Variants in COL27A1 observed in about 807,000 individuals in gnomAD.
COL27A1 encodes the protein collagen type XXVII alpha 1 chain.
In COL27A1, 106 loss-of-function variants were observed where a neutral mutation model predicts 251.3. The ratio of observed to expected loss-of-function variants is 0.42; its 90% CI spans 0.36 to 0.50. The LOEUF (loss-of-function observed/expected upper bound fraction) is 0.50, where lower values mean the gene tolerates loss of function less well. Among genes scored for constraint, COL27A1 ranks in the 20% least tolerant of loss-of-function variants. The pLI, the probability that COL27A1 is intolerant of heterozygous loss-of-function variation, is 0.00. For missense variants in COL27A1, 2,325 were observed against 2,522.8 expected (o/e 0.92, Z 1.68); for synonymous variants, 1,000 against 986.3 (o/e 1.01, Z -0.26).
chr9:114,172,344 C>G (rs577848441), intron 3 of COL27A1, among the ~76,000 whole-genome samples: 1 of 152,292 alleles, frequency 6.6e-6, no homozygotes, highest in Non-Finnish European at 1.5e-5. Context: ...GCTTAATTGT[C>G]CCCCATCCAG....
chr9:114,188,885 G>GTT (rs1828561037), intron 5 of COL27A1, among the ~76,000 whole-genome samples: 1 of 152,106 alleles, frequency 6.6e-6, no homozygotes, highest in Non-Finnish European at 1.5e-5. Context: ...TTATGAGTGG[G>GTT]TTTATTTTGG....
rs374167148 is a variant in COL27A1, at chr9:114,284,718, C to G, written c.3934-6C>G. 123 of 1,614,174 alleles carry G rather than the reference C, an allele frequency of 7.6e-5. No homozygotes were observed. The African/African-American group carries it at 9.5e-4, about 12-fold the overall frequency. On this transcript the variant is annotated splice_polypyrimidine_tract_variant and splice_region_variant and intron_variant, in intron 40 of 60. Transcript: ENST00000356083. ...TCTCACTTCCCTCCTTCTTGTTTGCCTGCAGGGACACAAAGGCATTGTGGG... is the reference window on the plus strand; with the variant it reads ...TCTCACTTCCCTCCTTCTTGTTTGCGTGCAGGGACACAAAGGCATTGTGGG...
chr9:114,223,477 T>C (rs934470838), intron 14 of COL27A1, among the ~76,000 whole-genome samples: 1 of 151,914 alleles, frequency 6.6e-6, no homozygotes, highest in African/African-American at 2.4e-5. Flanking sequence ...AGAACCTGGG[T>C]GGGGTGGGCA....
intron 27 of COL27A1, among the ~76,000 whole-genome samples, chr9:114,254,039 T>C (rs1833757183): frequency 6.6e-6 from 1 of 151,948 alleles, no homozygotes. Flanking sequence ...AGAGATGGGG[T>C]TTTGGCAGTT....
chr9:114,243,580 C>T lies in COL27A1; in HGVS notation c.2934+20C>T, dbSNP rs1832909457. On this transcript the variant is annotated intron_variant, in intron 23 of 60. Coordinates refer to ENST00000356083, the MANE Select transcript of COL27A1 (RefSeq NM_032888.4). ...GTGAAGGTGAGGGGACCTGGAGATC[C>T]CTGGGGACAAGAGGAAAGAGGGGAT... 5 of 1,606,332 alleles carry T rather than the reference C, an allele frequency of 3.1e-6. No individual in the cohort carries two copies. The South Asian group carries it at 4.4e-5, about 14-fold the overall frequency.
chr9:114,253,146 G>C (rs1355194775), intron 27 of COL27A1, among the ~76,000 whole-genome samples: 1 of 152,174 alleles, frequency 6.6e-6, no homozygotes, highest in Non-Finnish European at 1.5e-5. Flanking sequence ...TGTAATCCCA[G>C]ATACTCAGTA....
intron 37 of COL27A1, among the ~76,000 whole-genome samples, chr9:114,276,537 G>A (rs548208010): frequency 2.0e-4 from 31 of 152,266 alleles, no homozygotes; most frequent in African/African-American, 7.0e-4. Context: ...CCTGGGAGGC[G>A]GGGGTTGCAA....
At chr9:114,210,273 G>A (rs1328771458) in intron 11 of COL27A1, among the ~76,000 whole-genome samples, 1 of 152,256 alleles carries the variant, frequency 6.6e-6, no homozygotes, top group African/African-American at 2.4e-5. Flanking sequence ...GCAGAGTTGA[G>A]TAGGTGTGAC....
intron 37 of COL27A1, among the ~76,000 whole-genome samples, chr9:114,276,714 A>G (rs936491700): frequency 6.6e-6 from 1 of 152,230 alleles, no homozygotes; most frequent in Non-Finnish European, 1.5e-5. Flanking sequence ...CTTCCACCCT[A>G]ACAGAAATGT....
At chr9:114,220,209 G>C (rs960871899) in intron 13 of COL27A1, among the ~76,000 whole-genome samples, 5 of 152,238 alleles carry the variant, frequency 3.3e-5, no homozygotes, top group South Asian at 2.1e-4. Flanking sequence ...GCATGGGGAA[G>C]CAAACGGTCT....
At chr9:114,232,932 G>A (rs545482824) in intron 16 of COL27A1, among the ~76,000 whole-genome samples, 66 of 152,312 alleles carry the variant, frequency 4.3e-4, no homozygotes, top group African/African-American at 1.1e-3. Flanking sequence ...TTAGCTGGGC[G>A]TGGTCGTGGG....
chr9:114,256,385 C>T (rs1490695101), intron 27 of COL27A1, among the ~76,000 whole-genome samples: 2 of 152,144 alleles, frequency 1.3e-5, no homozygotes, highest in Admixed American at 6.5e-5. Context: ...CCCAGCTACT[C>T]GGGAGGCTGA....
Position 114,168,581 on chromosome 9 carries a change from C to T in COL27A1, c.1026C>T (p.Gly342=), listed in dbSNP as rs762892390. 2.4e-5 allele frequency: 39 copies of T among 1,613,950 alleles called. No individual in the cohort carries two copies. Among genetic ancestry groups the T allele is most frequent in the African/African-American group, 6.7e-5 (5 of 74,914 alleles). The change falls in exon 3 of 61, where the codon GGC becomes GGT. Residue 342 remains glycine (G), a synonymous_variant. Coordinates refer to ENST00000356083, the MANE Select transcript of COL27A1 (RefSeq NM_032888.4). The part of the protein sequence containing the change: ...ALDPMLPASV[G]GSTRTPRPAA... ...ATCCCATGCTCCCAGCCTCTGTTGG[C>T]GGCTCTACCAGAACGCCTCGCCCTG...
intron 12 of COL27A1, among the ~76,000 whole-genome samples, chr9:114,218,917 C>G (rs1331584979): frequency 6.6e-6 from 1 of 151,606 alleles, no homozygotes; most frequent in Non-Finnish European, 1.5e-5. Context: ...AATCATAGCC[C>G]CAGCATTCAC....
chr9:114,233,588 A>T (rs6478071), intron 16 of COL27A1, among the ~76,000 whole-genome samples: 13,885 of 152,180 alleles, frequency 0.091, 1,620 homozygotes, highest in African/African-American at 0.28. Flanking sequence ...GAAGTCATGG[A>T]CGAGAGAGAA....
At chr9:114,177,719 T>C (rs1051088414) in intron 3 of COL27A1, among the ~76,000 whole-genome samples, 8 of 152,194 alleles carry the variant, frequency 5.3e-5, no homozygotes, top group Non-Finnish European at 1.0e-4. Flanking sequence ...GCATGTCTGA[T>C]TCAAAAACCC....
intron 36 of COL27A1, among the ~76,000 whole-genome samples, chr9:114,275,268 A>T (rs79871085): frequency 1.4e-5 from 2 of 145,338 alleles, no homozygotes; most frequent in Admixed American, 6.9e-5. Flanking sequence ...TCTAAAAAAT[A>T]AAAAAAAAAA....
At chr9:114,259,836 C>CG (rs35601379) in intron 28 of COL27A1, among the ~76,000 whole-genome samples, 2 of 152,166 alleles carry the variant, frequency 1.3e-5, no homozygotes, top group Admixed American at 6.5e-5. Flanking sequence ...AAGCTCCATA[C>CG]GGGGGGATCT....
rs113259779 is a variant in COL27A1 at position 114,182,849 on chromosome 9, T to C, written c.1963-173T>C. On this transcript the variant is annotated intron_variant, in intron 4 of 60. Transcript: ENST00000356083. ...GATGTGCTTCCCACTGGGCCAGGCA[T>C]GGAGGGTGTACTCCCAAAAGTAGGC... Among the ~76,000 whole-genome samples, 1,491 of 152,282 alleles carry C rather than the reference T, an allele frequency of 9.8e-3. 25 individuals are homozygous for C. Among genetic ancestry groups the C allele is most frequent in the African/African-American group, 0.033 (1,373 of 41,544 alleles).
Sources: gnomAD v4.1 joint callset for allele counts (sites outside exome capture counted in the v4.1 genomes callset) on GRCh38, gnomAD v4.1.1 for gene constraint, MANE v1.5 for transcripts, NCBI Gene and HGNC (gene_info 2026-07-23, HGNC 2026-07-21) for gene names.